ZNF679: variants seen among roughly 807,000 people sequenced by gnomAD.
ZNF679 encodes zinc finger protein 679.
In ZNF679, 10 loss-of-function variants were observed where a neutral mutation model predicts 13.4. The ratio of observed to expected loss-of-function variants is 0.75; its 90% CI spans 0.46 to 1.27. The LOEUF is 1.27. Among genes scored for constraint, ZNF679 ranks in the 50% most tolerant of loss-of-function variants. The pLI is 0.00. For missense variants in ZNF679, 525 were observed against 477.8 expected (o/e 1.10, Z -0.92); for synonymous variants, 179 against 162.5 (o/e 1.10, Z -0.77).
In ZNF679 at chr7:64,260,966, G is replaced by A. The variant is rs768011204; in HGVS notation, c.262+37G>A. ...TGGATGAAGCGGATGACACAGATGA[G>A]AGGTGCAAAAGTCAAGGAGGAAGCC... On this transcript the variant is annotated intron_variant, in intron 4 of 4. Transcript: ENST00000421025. 3 of 1,585,924 alleles carry A rather than the reference G, an allele frequency of 1.9e-6. No individual in the cohort carries two copies. In the East Asian group the frequency reaches 6.7e-5, roughly 36 times the overall value.
intron 1 of ZNF679, among the ~76,000 whole-genome samples, chr7:64,236,925 G>GAAAGAAAGAAAA (rs1192039182): frequency 4.1e-5 from 1 of 24,664 alleles, no homozygotes; most frequent in South Asian, 1.3e-3. Context: ...AAAGAAAGAA[G>GAAAGAAAGAAAA]AAAGAAAGAA....
chr7:64,249,350 A>G (rs1251273285), intron 2 of ZNF679, among the ~76,000 whole-genome samples, 194 bp downstream of exon 2: 1 of 152,078 alleles, frequency 6.6e-6, no homozygotes, highest in Non-Finnish European at 1.5e-5. Flanking sequence ...GGACCCTAGG[A>G]ATTCTTTTTC....
chr7:64,257,872 G>A (rs1450732051), intron 2 of ZNF679, among the ~76,000 whole-genome samples: 2 of 152,122 alleles, frequency 1.3e-5, no homozygotes, highest in Non-Finnish European at 2.9e-5. Flanking sequence ...CATTTACAGG[G>A]GACTTGTTGA....
In ZNF679 at chr7:64,250,131, C is replaced by T. The variant is rs776182270; in HGVS notation, c.39+975C>T. Reference sequence around the variant, plus strand: ...TGCTGGGATTACAGGCATGAGCCACCGCCCCTGGCCATAAGAGATACATTT... The same window carrying T: ...TGCTGGGATTACAGGCATGAGCCACTGCCCCTGGCCATAAGAGATACATTT... On this transcript the variant is annotated intron_variant, in intron 2 of 4. Transcript: ENST00000421025. Among the ~76,000 whole-genome samples, 67 of 151,872 alleles carry T rather than the reference C, an allele frequency of 4.4e-4. 1 individual carries two copies. Among genetic ancestry groups the T allele is most frequent in the Admixed American group, 2.0e-4 (3 of 15,228 alleles).
At chr7:64,265,749 TTA>T (rs1283396581) in intron 4 of ZNF679, 145 bp from the exon 5 acceptor site, 10 of 886,244 alleles carry the variant, frequency 1.1e-5, no homozygotes, top group Non-Finnish European at 1.7e-5. Context: ...TTTGTTACAT[TTA>T]TACACCTATG....
chr7:64,241,780 C>T (rs1787802083), intron 1 of ZNF679, among the ~76,000 whole-genome samples: 1 of 152,204 alleles, frequency 6.6e-6, no homozygotes, highest in Admixed American at 6.5e-5. Context: ...TTTGTAATTT[C>T]TCCTGAGGAC....
At chr7:64,251,568 C>A (rs183663107) in intron 2 of ZNF679, among the ~76,000 whole-genome samples, 132 of 152,256 alleles carry the variant, frequency 8.7e-4, no homozygotes, top group African/African-American at 2.9e-3. Flanking sequence ...TATCATAATG[C>A]GTGGGTTGAG....
At chr7:64,231,865 C>T (rs1018437737) in intron 1 of ZNF679, among the ~76,000 whole-genome samples, 6 of 152,216 alleles carry the variant, frequency 3.9e-5, no homozygotes, top group Non-Finnish European at 7.3e-5. Context: ...ATGTCACAAT[C>T]GCACTTGCAG....
rs1444306595 is a variant in ZNF679 at position 64,260,263 on chromosome 7, G to A, written c.82G>A (p.Glu28Lys). The change falls in exon 3 of 5, where the codon GAG becomes AAG. Residue 28 changes from glutamate to lysine, a missense_variant. Physicochemically the swap from Glu to Lys is moderately conservative, Grantham distance 56 (BLOSUM62 1). Coordinates refer to ENST00000421025, the MANE Select transcript of ZNF679 (RefSeq NM_153363.3). ...FRDVVIEFSL[E>K]EWQCLDHAQQ... ...AGATGTAGTCATAGAATTCTCTCTG[G>A]AGGAGTGGCAATGCCTGGATCACGC... The A allele has an allele frequency of 1.2e-6, 2 of 1,611,680 alleles. No individual in the cohort carries two copies. Among genetic ancestry groups the A allele is most frequent in the African/African-American group, 2.7e-5 (2 of 74,700 alleles).
chr7:64,255,288 C>T (rs1241547888), intron 2 of ZNF679, among the ~76,000 whole-genome samples: 2 of 152,160 alleles, frequency 1.3e-5, no homozygotes, highest in African/African-American at 2.4e-5. Flanking sequence ...TTCACAGACC[C>T]ACTAGACATT....
At chr7:64,239,515 G>A (rs915845711) in intron 1 of ZNF679, among the ~76,000 whole-genome samples, 4 of 152,178 alleles carry the variant, frequency 2.6e-5, no homozygotes, top group Admixed American at 6.5e-5. Context: ...TCAACACACA[G>A]ATATCTTGTG....
At chr7:64,240,126 A>G (rs1438522827) in intron 1 of ZNF679, among the ~76,000 whole-genome samples, 1 of 152,164 alleles carries the variant, frequency 6.6e-6, no homozygotes, top group Non-Finnish European at 1.5e-5. Flanking sequence ...TTGCTTGGCC[A>G]AGCAGCTAGG....
At chr7:64,254,226 A>G (rs1787975482) in intron 2 of ZNF679, among the ~76,000 whole-genome samples, 1 of 151,858 alleles carries the variant, frequency 6.6e-6, no homozygotes, top group African/African-American at 2.4e-5. Flanking sequence ...TCAGGTTCAA[A>G]CAATACTCCT....
Position 64,266,851 on chromosome 7 carries a change from A to T in ZNF679, c.1218A>T (p.Lys406Asn), listed in dbSNP as rs1239233977. 2 of 1,579,306 alleles carry T rather than the reference A, an allele frequency of 1.3e-6. No individual in the cohort carries two copies. Among genetic ancestry groups the T allele is most frequent in the African/African-American group, 1.4e-5 (1 of 73,656 alleles). The change falls in exon 5 of 5, where the codon AAA becomes AAT. Residue 406 changes from lysine (K) to asparagine (N), a missense_variant. Physicochemically the swap from Lys to Asn is moderately conservative, Grantham distance 94 (BLOSUM62 0). Transcript: ENST00000421025. ...ATAAGAGTATGCATACTGGAGAGAA[A>T]CCCTACAAATGTGAATAATGTGATA... ...ANHKSMHTGE[K>N]PYKCE
At chr7:64,241,882 A>C (rs1787803502) in intron 1 of ZNF679, among the ~76,000 whole-genome samples, 1 of 152,206 alleles carries the variant, frequency 6.6e-6, no homozygotes, top group Non-Finnish European at 1.5e-5. Context: ...CAATACAGTA[A>C]AATTAATCAG....
intron 1 of ZNF679, among the ~76,000 whole-genome samples, chr7:64,245,204 T>C (rs922518591): frequency 6.6e-6 from 1 of 152,250 alleles, no homozygotes; most frequent in East Asian, 1.9e-4. Flanking sequence ...TTTTGTATTT[T>C]TAGTAGAGAC....
At chr7:64,260,484 A>G in intron 3 of ZNF679, 137 bp downstream of exon 3, 1 of 1,362,412 alleles carries the variant, frequency 7.3e-7, no homozygotes, top group Admixed American at 2.7e-5. Context: ...TCATTGGTGT[A>G]GAACAAATTC....
intron 1 of ZNF679, among the ~76,000 whole-genome samples, chr7:64,236,760 C>T (rs777749896): frequency 1.2e-4 from 16 of 135,682 alleles, no homozygotes; most frequent in African/African-American, 2.2e-4. Flanking sequence ...CCAGCCTGGG[C>T]GACAAGAGTG....
intron 2 of ZNF679, among the ~76,000 whole-genome samples, chr7:64,257,398 GT>G (rs371520769): frequency 6.6e-6 from 1 of 152,056 alleles, no homozygotes; most frequent in Admixed American, 6.5e-5. Context: ...CATTTCAGAT[GT>G]TTTTTGTATT....
Sources: gnomAD v4.1 joint callset for allele counts (sites outside exome capture counted in the v4.1 genomes callset) on GRCh38, gnomAD v4.1.1 for gene constraint, MANE v1.5 for transcripts, NCBI Gene and HGNC (gene_info 2026-07-23, HGNC 2026-07-21) for gene names.